PSMA6: variants seen among roughly 807,000 people sequenced by gnomAD.
The protein encoded by PSMA6 is proteasome 20S subunit alpha 6, also known as proteasome subunit alpha type-6.
For synonymous variants in PSMA6, 88 were observed against 97.7 expected (o/e 0.90, Z 0.59); for missense variants, 170 against 294.8 (o/e 0.58, Z 3.10).
chr14:35,302,760 C>A (rs2051740113), intron 1 of PSMA6, among the ~76,000 whole-genome samples: 1 of 152,022 alleles, frequency 6.6e-6, no homozygotes, highest in South Asian at 2.1e-4. Flanking sequence ...CATATTCACT[C>A]ACTCTTTCCT....
chr14:35,292,286 C>G (rs2051495982), upstream of PSMA6: 3 of 1,404,910 alleles, frequency 2.1e-6, no homozygotes, highest in Non-Finnish European at 2.8e-6. Context: ...ACTCCACCAC[C>G]CCCTTAGGGG....
At position 35,317,456 on chromosome 14, in the gene PSMA6, C is replaced by T. The variant is rs1304677588; in HGVS notation, c.*150C>T. ...GGTTAGGACTCTATATAAATAAAAA[C>T]AAGGCTTTTGGAAAATAATTGCATC... On this transcript the variant is annotated 3_prime_UTR_variant, in exon 7 of 7. Transcript: ENST00000261479. 1 of 621,302 alleles carries T rather than the reference C, an allele frequency of 1.6e-6. No homozygotes were observed. The highest frequency in any genetic ancestry group is 2.9e-5 in the Admixed American group (1 of 34,980). The allele number at this position is 621,302 out of a possible 1,614,324, so 38.5% of individuals were successfully genotyped here.
At chr14:35,314,116 A>G (rs1413064828) in intron 5 of PSMA6, 2 of 234,918 alleles carry the variant, frequency 8.5e-6, no homozygotes, top group African/African-American at 4.5e-5. Flanking sequence ...CATGAAGCCA[A>G]TAAACCTTTT....
chr14:35,292,205 C>G (rs1056379707), upstream of PSMA6: 20 of 883,090 alleles, frequency 2.3e-5, no homozygotes, highest in Middle Eastern at 4.1e-4. Context: ...CGCCACGACC[C>G]AAGTTTCACG....
chr14:35,304,076 G>T (rs546254782), intron 1 of PSMA6, among the ~76,000 whole-genome samples: 1 of 151,886 alleles, frequency 6.6e-6, no homozygotes, highest in Non-Finnish European at 1.5e-5. Flanking sequence ...AGGTTCCAGC[G>T]ATTTTCCTGC....
chr14:35,287,855 C>T (rs145995043), upstream of PSMA6, among the ~76,000 whole-genome samples: 49 of 152,330 alleles, frequency 3.2e-4, 1 homozygote, highest in African/African-American at 1.1e-3. Flanking sequence ...GAAAGTCCAC[C>T]TGAGTGAGTA....
At chr14:35,292,595 G>A (rs917982976) in intron 1 of PSMA6, 43 bp downstream of exon 1, 2 of 1,606,370 alleles carry the variant, frequency 1.2e-6, no homozygotes, top group Non-Finnish European at 1.7e-6. Flanking sequence ...GAATTGCCCT[G>A]TCATGGTACG....
chr14:35,280,529 G>A lies in PSMA6; in HGVS notation c.19+1811G>A, dbSNP rs572401190. On this transcript the variant is annotated intron_variant, in intron 1 of 6. Transcript: ENST00000540871. ...CCCAAGTAGCTGGGATTACAGGCAC[G>A]TGCCACCATGCCCACCTAATTTTTG... is the stretch of plus-strand genomic sequence containing the variant. Among the ~76,000 whole-genome samples the A allele has an allele frequency of 1.5e-4, 22 of 151,520 alleles. No individual in the cohort carries two copies. In the South Asian group the frequency reaches 4.2e-3, roughly 29 times the overall value.
intron 1 of PSMA6, among the ~76,000 whole-genome samples, chr14:35,285,775 C>G (rs1405652609): frequency 3.3e-5 from 5 of 152,176 alleles, no homozygotes; most frequent in African/African-American, 4.8e-5. Flanking sequence ...ATAAAGATCC[C>G]AAGATGTAGG....
upstream of PSMA6, among the ~76,000 whole-genome samples, chr14:35,288,097 T>TA (rs1220875984): frequency 2.6e-5 from 4 of 152,136 alleles, no homozygotes; most frequent in African/African-American, 9.7e-5. Context: ...GAAAAACAAT[T>TA]AACATAATAG....
In PSMA6 at chr14:35,310,987, T is replaced by C. The variant is rs2138751606; in HGVS notation, c.409+92T>C. On this transcript the variant is annotated intron_variant, in intron 4 of 6. Coordinates refer to ENST00000261479, the MANE Select transcript of PSMA6 (RefSeq NM_002791.3). ...AATTATTTAAATAACACTTGAGTTC[T>C]GAACATGTGGTTTGGAAAATACATA... The C allele has an allele frequency of 2.3e-6, 3 of 1,300,092 alleles. No individual in the cohort carries two copies. The East Asian group carries it at 7.1e-5, about 31-fold the overall frequency. The allele number at this position is 1,300,092 out of a possible 1,614,324, so 80.5% of individuals were successfully genotyped here. A position where few individuals can be genotyped will look rare whatever the true frequency, so the allele number is the denominator to read the frequency against.
chr14:35,317,442 T>C lies in PSMA6; in HGVS notation c.*136T>C, dbSNP rs1225657369. 1.0e-5 allele frequency: 7 copies of C among 677,288 alleles called. No individual in the cohort carries two copies. Among genetic ancestry groups the C allele is most frequent in the Non-Finnish European group, 1.8e-5 (7 of 396,386 alleles). 42.0% of individuals were successfully genotyped at this position (677,288 alleles called of 1,614,324 possible). A position where few individuals can be genotyped will look rare whatever the true frequency, so the allele number is the denominator to read the frequency against. ...CCTACCACCGAAGTGGTTAGGACTC[T>C]ATATAAATAAAAACAAGGCTTTTGG... On this transcript the variant is annotated 3_prime_UTR_variant, in exon 7 of 7. Coordinates refer to ENST00000261479, the MANE Select transcript of PSMA6 (RefSeq NM_002791.3).
At chr14:35,281,389 A>G (rs1267106002) in intron 1 of PSMA6, among the ~76,000 whole-genome samples, 3 of 152,146 alleles carry the variant, frequency 2.0e-5, no homozygotes. Context: ...TGGAGCCTTC[A>G]TTTCCTTTTC....
chr14:35,316,469 C>T (rs1048151711), intron 6 of PSMA6: 1 of 151,428 alleles, frequency 6.6e-6, no homozygotes, highest in African/African-American at 2.4e-5. Context: ...AGAATTATAA[C>T]TTTATTTTCA....
intron 1 of PSMA6, among the ~76,000 whole-genome samples, chr14:35,283,123 C>T (rs768996430): frequency 4.6e-5 from 7 of 151,812 alleles, no homozygotes; most frequent in African/African-American, 1.7e-4. Context: ...GGATTACAGG[C>T]GTGAGCCACC....
chr14:35,312,835 A>T, intron 4 of PSMA6, 46 bp from the exon 5 acceptor site: 1 of 1,507,142 alleles, frequency 6.6e-7, no homozygotes. Flanking sequence ...AGGAGATGTC[A>T]TTGTATAAAG....
intron 1 of PSMA6, among the ~76,000 whole-genome samples, chr14:35,298,880 C>A (rs1005013631): frequency 2.0e-5 from 3 of 151,604 alleles, no homozygotes; most frequent in African/African-American, 4.8e-5. Context: ...ATTACAGGCG[C>A]GCACCACCAT....
chr14:35,310,894 T>C lies in PSMA6; in HGVS notation c.408T>C (p.Cys136=). 6.2e-7 allele frequency: 1 copy of C among 1,613,406 alleles called. No individual in the cohort carries two copies. Among genetic ancestry groups the C allele is most frequent in the Non-Finnish European group, 8.5e-7 (1 of 1,179,634 alleles). ...TQNAEMRPLG[C]CMILIGIDEE... The stretch of plus-strand genomic sequence containing the variant: ...ATGCTGAAATGAGGCCTCTTGGTTG[T>C]TGTAAGTATGCTAAGAGGTCTCCCA... The change falls in exon 4 of 7, where the codon TGT becomes TGC. Residue 136 remains cysteine (C), a splice_region_variant and synonymous_variant. Transcript: ENST00000261479.
intron 1 of PSMA6, among the ~76,000 whole-genome samples, chr14:35,296,434 G>C (rs1419310888): frequency 6.6e-6 from 1 of 152,076 alleles, no homozygotes; most frequent in African/African-American, 2.4e-5. Flanking sequence ...GGGTTCAAGT[G>C]ATTCTCCTGC....
Sources: gnomAD v4.1 joint callset for allele counts (sites outside exome capture counted in the v4.1 genomes callset) on GRCh38, gnomAD v4.1.1 for gene constraint, MANE v1.5 for transcripts, NCBI Gene and HGNC (gene_info 2026-07-23, HGNC 2026-07-21) for gene names.